Variants in PPM1F observed in about 807,000 individuals in gnomAD.
The protein encoded by PPM1F is protein phosphatase 1F.
PPM1F carries 17 observed loss-of-function variants against 35.5 expected under a neutral mutation model. The ratio of observed to expected loss-of-function variants is 0.48; its 90% CI spans 0.33 to 0.72. The LOEUF is 0.72. Among genes scored for constraint, PPM1F ranks in the 30% least tolerant of loss-of-function variants. PPM1F has a pLI of 0.02. For missense variants in PPM1F, 521 were observed against 613.0 expected, an observed-to-expected ratio of 0.85 and a Z score of 1.59; for synonymous variants, 241 against 255.5, an observed-to-expected ratio of 0.94 and a Z score of 0.54.
chr22:21,947,134 G>T (rs2070784551), intron 1 of PPM1F: 1 of 147,310 alleles, frequency 6.8e-6, no homozygotes, highest in African/African-American at 2.5e-5. Flanking sequence ...CCTCCTCCCA[G>T]GGTGGCTCTG....
In PPM1F at chr22:21,927,942, G is replaced by GTTTTTTTTTTTTTTTTTTTT. The variant is rs60216371; in HGVS notation, c.892-2300_892-2281dup. Among the ~76,000 whole-genome samples, 66 of 75,140 alleles carry GTTTTTTTTTTTTTTTTTTTT rather than the reference G, an allele frequency of 8.8e-4. 9 individuals carry two copies. Among genetic ancestry groups the GTTTTTTTTTTTTTTTTTTTT allele is most frequent in the East Asian group, 2.8e-3 (5 of 1,808 alleles). 49.3% of individuals were successfully genotyped at this position (75,140 alleles called of 152,430 possible). On this transcript the variant is annotated intron_variant, in intron 6 of 7. Transcript: ENST00000263212. ...GATTCTTGATTCTGTTTTTTGTTTT[G>GTTTTTTTTTTTTTTTTTTTT]TTTTTTTTTTTTTTTTTTTTTTTTT...
chr22:21,923,233 G>A lies in PPM1F; in HGVS notation c.1224C>T (p.Val408=), dbSNP rs767602784. ...GGGGGTCCCTGAGGAAGACCACCATGACCGTGATGTTGTCGTGGGAGCCCC... is the reference window on the plus strand; with the variant it reads ...GGGGGTCCCTGAGGAAGACCACCATAACCGTGATGTTGTCGTGGGAGCCCC... The part of the protein sequence containing the change: ...RERGSHDNIT[V]MVVFLRDPQE... The change falls in exon 8 of 8, where the codon GTC becomes GTT. Residue 408 remains valine, a synonymous_variant. Coordinates refer to ENST00000263212, the MANE Select transcript of PPM1F (RefSeq NM_014634.4). The A allele has an allele frequency of 1.2e-6, 2 of 1,613,552 alleles. No individual in the cohort carries two copies. Among genetic ancestry groups the A allele is most frequent in the East Asian group, 4.5e-5 (2 of 44,872 alleles).
intron 1 of PPM1F, chr22:21,950,388 GTTTTT>G (rs34899223): frequency 6.9e-6 from 1 of 144,502 alleles, no homozygotes; most frequent in African/African-American, 2.5e-5. Context: ...CTTGTAAAAA[GTTTTT>G]TTTTTTTTAA....
chr22:21,933,614 G>C, intron 4 of PPM1F, 35 bp from the exon 5 acceptor site: 1 of 1,583,366 alleles, frequency 6.3e-7, no homozygotes. Flanking sequence ...CAGACCCGCG[G>C]GACCCAGGGT....
At chr22:21,948,074 G>A (rs1361257056) in intron 1 of PPM1F, 2 of 152,188 alleles carry the variant, frequency 1.3e-5, no homozygotes, top group African/African-American at 4.8e-5. Context: ...GCTACTGAAG[G>A]TTCTGGGGAT....
chr22:21,935,458 T>C (rs745572685), intron 3 of PPM1F: 19 of 152,346 alleles, frequency 1.2e-4, no homozygotes, highest in Admixed American at 7.8e-4. Context: ...TATTTTATTA[T>C]AGTTTTGCAA....
chr22:21,926,427 TG>T (rs1486277153), intron 6 of PPM1F, among the ~76,000 whole-genome samples: 1 of 152,050 alleles, frequency 6.6e-6, no homozygotes, highest in African/African-American at 2.4e-5. Context: ...CCACCGCGCC[TG>T]GCCTAGTTCT....
At chr22:21,926,748 C>T (rs754709126) in intron 6 of PPM1F, among the ~76,000 whole-genome samples, 6 of 152,302 alleles carry the variant, frequency 3.9e-5, no homozygotes, top group Non-Finnish European at 7.3e-5. Context: ...CTTGACCCCA[C>T]GCAGCACCAG....
In PPM1F at chr22:21,920,216, CCAGGA is replaced by C. The variant is rs888301340; in HGVS notation, c.*2871_*2875del. 1.3e-5 allele frequency: 2 copies of C among 152,666 alleles called. No homozygotes were observed. Among genetic ancestry groups the C allele is most frequent in the African/African-American group, 2.4e-5 (1 of 41,430 alleles). The allele number at this position is 152,666 out of a possible 1,614,324, so 9.5% of individuals were successfully genotyped here. On this transcript the variant is annotated 3_prime_UTR_variant, in exon 8 of 8. Coordinates refer to ENST00000263212, the MANE Select transcript of PPM1F (RefSeq NM_014634.4). ...GCCCCTGTGTGCTGGCAGCATCTCC[CCAGGA>C]CACGCCGGCTCACCTGCACCCACAG...
intron 3 of PPM1F, chr22:21,938,378 G>A: frequency 8.5e-7 from 1 of 1,173,882 alleles, no homozygotes; most frequent in Non-Finnish European, 1.1e-6. Flanking sequence ...GTGGACAGCT[G>A]TCTCCCAGGC....
At position 21,923,322 on chromosome 22, in the gene PPM1F, G is replaced by A. The variant is rs2145789357; in HGVS notation, c.1135C>T (p.Leu379=). The A allele has an allele frequency of 6.2e-7, 1 of 1,613,636 alleles. No homozygotes were observed. Among genetic ancestry groups the A allele is most frequent in the Non-Finnish European group, 8.5e-7 (1 of 1,179,922 alleles). The change falls in exon 8 of 8, where the codon CTG becomes TTG. Residue 379 remains leucine, a synonymous_variant. Transcript: ENST00000263212. The stretch of plus-strand genomic sequence containing the variant: ...AGCCCGCTGCCCTGCTGCCTGGTCA[G>A]GTGGCTCTGGACCAGGCCAACAACT... ...QEVVGLVQSH[L]TRQQGSGLRV...
intron 1 of PPM1F, chr22:21,948,694 C>G (rs1192600936): frequency 6.6e-6 from 1 of 152,308 alleles, no homozygotes; most frequent in Non-Finnish European, 1.5e-5. Flanking sequence ...CCTTGCAATT[C>G]CAAGTGATCT....
intron 1 of PPM1F, 71 bp from the exon 2 acceptor site, chr22:21,946,179 G>A (rs1569132413): frequency 2.9e-6 from 2 of 679,470 alleles, no homozygotes; most frequent in East Asian, 6.2e-5. Flanking sequence ...CCACCTGCAA[G>A]CACCATGTGG....
chr22:21,940,366 A>G (rs2070711293), intron 2 of PPM1F, among the ~76,000 whole-genome samples: 1 of 152,098 alleles, frequency 6.6e-6, no homozygotes, highest in South Asian at 2.1e-4. Context: ...CCAGCTACTC[A>G]GGAGGCTGAG....
At chr22:21,938,358 G>A in intron 3 of PPM1F, 1 of 1,182,562 alleles carries the variant, frequency 8.5e-7, no homozygotes, top group East Asian at 6.6e-5. Flanking sequence ...AACAATGGCC[G>A]CCTGTCACTG....
chr22:21,946,205 A>G (rs1235802926), intron 1 of PPM1F, 97 bp from the exon 2 acceptor site: 1 of 576,402 alleles, frequency 1.7e-6, no homozygotes, highest in Non-Finnish European at 2.9e-6. Flanking sequence ...GCATGGCCTC[A>G]TGGTTCAGGG....
At chr22:21,932,850 C>T (rs530726047) in intron 5 of PPM1F, 1 of 152,498 alleles carries the variant, frequency 6.6e-6, no homozygotes, top group African/African-American at 2.4e-5. Context: ...GCTTTGACAA[C>T]TTGGGGCCTT....
At position 21,933,513 on chromosome 22, in the gene PPM1F, C is replaced by A. The variant is rs1317363863; in HGVS notation, c.625G>T (p.Ala209Ser). 1 of 1,613,644 alleles carries A rather than the reference C, an allele frequency of 6.2e-7. No individual in the cohort carries two copies. The highest frequency in any genetic ancestry group is 8.5e-7 in the Non-Finnish European group (1 of 1,180,016). Reference protein sequence around the residue: ...GHGGVDAARYAAVHVHTNAAR... With the variant: ...GHGGVDAARYSAVHVHTNAAR... ...GCGTTGGTGTGCACGTGGACAGCGG[C>A]GTACCTCGCAGCATCCACGCCTCCG... Residue 209 changes from alanine to serine, a missense_variant, in exon 5 of 8, where the codon GCC (alanine) becomes TCC (serine). Transcript: ENST00000263212.
chr22:21,930,277 G>C (rs149537401), intron 6 of PPM1F, among the ~76,000 whole-genome samples: 2 of 152,194 alleles, frequency 1.3e-5, no homozygotes, highest in Admixed American at 1.3e-4. Context: ...CATGGCCTGA[G>C]GTGGGAAGCT....
Sources: allele counts gnomAD v4.1 joint callset (sites outside exome capture counted in the v4.1 genomes callset), GRCh38; gene constraint gnomAD v4.1.1; transcripts MANE v1.5; gene names NCBI Gene and HGNC (gene_info 2026-07-23, HGNC 2026-07-21).